The following CREBL2 variants were observed in gnomAD, a reference collection of about 807,000 sequenced individuals.
CREBL2 encodes cAMP-responsive element-binding protein-like 2.
In CREBL2, 4 loss-of-function variants were observed where a neutral mutation model predicts 19.5. The ratio of observed to expected loss-of-function variants is 0.20; its 90% CI spans 0.10 to 0.47. The LOEUF is 0.47. Ranked by LOEUF, CREBL2 falls within the 20% of genes least tolerant of loss-of-function variation. The pLI is 0.98. For synonymous variants in CREBL2, 42 were observed against 46.6 expected, an observed-to-expected ratio of 0.90 and a Z score of 0.40; for missense variants, 85 against 145.1, an observed-to-expected ratio of 0.59 and a Z score of 2.13.
At chr12:12,640,891 T>C (rs993730978) in intron 3 of CREBL2, among the ~76,000 whole-genome samples, 11 of 152,196 alleles carry the variant, frequency 7.2e-5, no homozygotes, top group Non-Finnish European at 1.5e-4. Context: ...TGAAGTCCAA[T>C]TTATCTATTT....
chr12:12,633,580 T>C (rs1310013028), intron 1 of CREBL2, among the ~76,000 whole-genome samples: 1 of 152,294 alleles, frequency 6.6e-6, no homozygotes, highest in African/African-American at 2.4e-5. Context: ...AGATTTTTTT[T>C]CCCCAGAGCC....
rs1415886322 is a variant in CREBL2, at chr12:12,612,171, C to T, written c.-2C>T. ...CCTGGCCAGGCCGGCCTGTCTGCCGCGATGGATGACAGTAAGGTAAGTCTT... is the reference window on the plus strand; with the variant it reads ...CCTGGCCAGGCCGGCCTGTCTGCCGTGATGGATGACAGTAAGGTAAGTCTT... On this transcript the variant is annotated 5_prime_UTR_variant, in exon 1 of 4. Transcript: ENST00000228865. 1.2e-6 allele frequency: 2 copies of T among 1,612,990 alleles called. No homozygotes were observed. Among genetic ancestry groups the T allele is most frequent in the African/African-American group, 1.3e-5 (1 of 74,940 alleles).
chr12:12,641,253 A>ATTATT (rs1478394376), intron 3 of CREBL2, among the ~76,000 whole-genome samples: 1,126 of 78,110 alleles, frequency 0.014, 38 homozygotes, highest in Non-Finnish European at 0.019. Context: ...TATTATTATT[A>ATTATT]TTTTTTTTTA....
chr12:12,616,715 C>T (rs1945314246), intron 1 of CREBL2, among the ~76,000 whole-genome samples: 1 of 152,204 alleles, frequency 6.6e-6, no homozygotes, highest in Admixed American at 6.5e-5. Flanking sequence ...TTGTACTGTC[C>T]TCCTAGTATA....
chr12:12,633,824 A>G lies in CREBL2; in HGVS notation c.16-1953A>G, dbSNP rs117342959. On this transcript the variant is annotated intron_variant, in intron 1 of 3. Coordinates refer to ENST00000228865, the MANE Select transcript of CREBL2 (RefSeq NM_001310.4). ...TCAGAGTTTTTGTTTCCAAACAGAT[A>G]TTGACCCTTTGAGTTTTGCTATCTG... Among the ~76,000 whole-genome samples, 50 of 152,302 alleles carry G rather than the reference A, an allele frequency of 3.3e-4. No individual in the cohort carries two copies. In the East Asian group the frequency reaches 8.7e-3, roughly 26 times the overall value.
intron 3 of CREBL2, among the ~76,000 whole-genome samples, chr12:12,641,253 A>ATTTTT (rs142404101): frequency 0.034 from 2,614 of 77,440 alleles, 211 homozygotes; most frequent in South Asian, 0.05. Context: ...TATTATTATT[A>ATTTTT]TTTTTTTTTA....
Position 12,643,674 on chromosome 12 carries a change from A to C in CREBL2, c.*1676A>C, listed in dbSNP as rs979608903. ...CAAACTCAGATCTCTAGTCTAGTCT[A>C]GTCTAGTCTAGTCTAGTCATGTGTG... On this transcript the variant is annotated 3_prime_UTR_variant, in exon 4 of 4. Coordinates refer to ENST00000228865, the MANE Select transcript of CREBL2 (RefSeq NM_001310.4). 3.3e-5 allele frequency: 5 copies of C among 152,146 alleles called. No homozygotes were observed. Among genetic ancestry groups the C allele is most frequent in the African/African-American group, 1.2e-4 (5 of 41,434 alleles). 9.4% of individuals were successfully genotyped at this position (152,146 alleles called of 1,614,324 possible). A position where few individuals can be genotyped will look rare whatever the true frequency, so the allele number is the denominator to read the frequency against.
At chr12:12,612,606 A>G (rs1436857751) in intron 1 of CREBL2, among the ~76,000 whole-genome samples, 7 of 151,940 alleles carry the variant, frequency 4.6e-5, no homozygotes, top group Non-Finnish European at 8.8e-5. Flanking sequence ...TCAATGCCCC[A>G]TTCATATAAT....
intron 1 of CREBL2, among the ~76,000 whole-genome samples, chr12:12,630,845 C>A (rs1187989482): frequency 6.6e-6 from 1 of 152,194 alleles, no homozygotes; most frequent in East Asian, 1.9e-4. Flanking sequence ...CTTGTAATCA[C>A]AATTGCCATC....
At position 12,612,873 on chromosome 12, in the gene CREBL2, T is replaced by C. The variant is rs1047900059; in HGVS notation, c.15+686T>C. On this transcript the variant is annotated intron_variant, in intron 1 of 3. Coordinates refer to ENST00000228865, the MANE Select transcript of CREBL2 (RefSeq NM_001310.4). The stretch of plus-strand genomic sequence containing the variant: ...AGTTTATCTATGTATAGCCTTTTTG[T>C]CTTTATTTATTAATTGAGACGGAGT... 2.0e-5 allele frequency among the ~76,000 whole-genome samples: 3 copies of C among 152,358 alleles called. No individual in the cohort carries two copies. The South Asian group carries it at 6.2e-4, about 32-fold the overall frequency.
At chr12:12,622,387 G>C (rs1001667317) in intron 1 of CREBL2, among the ~76,000 whole-genome samples, 2 of 152,192 alleles carry the variant, frequency 1.3e-5, no homozygotes, top group Admixed American at 1.3e-4. Flanking sequence ...ACTCTAAAGT[G>C]ATCAGAAGAT....
At chr12:12,629,570 T>C (rs1332912017) in intron 1 of CREBL2, among the ~76,000 whole-genome samples, 1 of 152,194 alleles carries the variant, frequency 6.6e-6, no homozygotes, top group Non-Finnish European at 1.5e-5. Flanking sequence ...TCATGTCACC[T>C]TCAAGGAGAT....
chr12:12,627,931 A>T (rs1945414905), intron 1 of CREBL2, among the ~76,000 whole-genome samples: 1 of 152,014 alleles, frequency 6.6e-6, no homozygotes, highest in Non-Finnish European at 1.5e-5. Context: ...TGTTGCCAGG[A>T]TGGAGTGGTG....
intron 1 of CREBL2, among the ~76,000 whole-genome samples, chr12:12,618,945 A>G (rs1945338261): frequency 6.6e-6 from 1 of 152,190 alleles, no homozygotes; most frequent in Non-Finnish European, 1.5e-5. Context: ...AGGTTGAGGC[A>G]GGAGAATCAG....
At chr12:12,622,911 T>A (rs2136301543) in intron 1 of CREBL2, among the ~76,000 whole-genome samples, 1 of 152,334 alleles carries the variant, frequency 6.6e-6, no homozygotes, top group Non-Finnish European at 1.5e-5. Flanking sequence ...CCTTTTTGGC[T>A]GAGGCTGCTG....
At chr12:12,623,577 CTGG>C (rs1945378128) in intron 1 of CREBL2, among the ~76,000 whole-genome samples, 1 of 152,052 alleles carries the variant, frequency 6.6e-6, no homozygotes, top group Admixed American at 6.5e-5. Flanking sequence ...GGGGTTCAGG[CTGG>C]TGGTCTCTAG....
intron 1 of CREBL2, among the ~76,000 whole-genome samples, chr12:12,629,414 ATTGTTCATTGAT>A (rs1349797030): frequency 1.3e-5 from 2 of 152,008 alleles, no homozygotes; most frequent in Admixed American, 6.5e-5. Flanking sequence ...TCATTTTCAG[ATTGTTCATTGAT>A]AGTGTGTAGA....
chr12:12,612,955 T>C (rs1170729336), intron 1 of CREBL2, among the ~76,000 whole-genome samples: 1 of 152,120 alleles, frequency 6.6e-6, no homozygotes, highest in Non-Finnish European at 1.5e-5. Flanking sequence ...CACCACAACC[T>C]CCGCCTCCCG....
intron 1 of CREBL2, among the ~76,000 whole-genome samples, chr12:12,627,932 T>C (rs561126270): frequency 6.6e-6 from 1 of 152,298 alleles, no homozygotes; most frequent in East Asian, 1.9e-4. Context: ...GTTGCCAGGA[T>C]GGAGTGGTGC....
Sources: allele counts gnomAD v4.1 joint callset (sites outside exome capture counted in the v4.1 genomes callset), GRCh38; gene constraint gnomAD v4.1.1; transcripts MANE v1.5; gene names NCBI Gene and HGNC (gene_info 2026-07-23, HGNC 2026-07-21).